Variants in PXDNL observed in about 807,000 individuals in gnomAD.
PXDNL encodes the protein peroxidasin like.
A neutral mutation model predicts 150.8 loss-of-function variants in PXDNL; 145 were observed. The ratio of observed to expected loss-of-function variants is 0.96; its 90% CI spans 0.84 to 1.10. PXDNL has a LOEUF of 1.10. Ranked by LOEUF, PXDNL falls within the 50% of genes least tolerant of loss-of-function variation. The probability of loss-of-function intolerance (pLI) is 0.00; values close to 1 mark genes in which losing one functional copy is unlikely to be tolerated. For missense variants in PXDNL, 2,087 were observed against 1,873.9 expected (o/e 1.11, Z -2.10); for synonymous variants, 757 against 725.7 (o/e 1.04, Z -0.69).
intron 1 of PXDNL, among the ~76,000 whole-genome samples, chr8:51,714,652 G>T (rs1165287423): frequency 6.6e-6 from 1 of 152,062 alleles, no homozygotes; most frequent in African/African-American, 2.4e-5. Flanking sequence ...TCAGAGGAGA[G>T]GATAACAGTC....
chr8:51,632,028 A>G (rs1397463579), intron 2 of PXDNL, among the ~76,000 whole-genome samples: 8 of 152,160 alleles, frequency 5.3e-5, no homozygotes, highest in African/African-American at 1.4e-4. Context: ...AAATAGATTG[A>G]GTTCTCCAAT....
At chr8:51,509,741 TACACACACAC>T (rs61492447) in intron 4 of PXDNL, among the ~76,000 whole-genome samples, 37 of 143,338 alleles carry the variant, frequency 2.6e-4, no homozygotes, top group African/African-American at 4.9e-4. Context: ...TATACATATA[TACACACACAC>T]ACACACACAC....
At chr8:51,642,018 A>G (rs1246876102) in intron 2 of PXDNL, among the ~76,000 whole-genome samples, 1 of 139,154 alleles carries the variant, frequency 7.2e-6, no homozygotes, top group Non-Finnish European at 1.5e-5. Context: ...ATGGAATACT[A>G]TACAGCCATA....
At chr8:51,374,279 T>C (rs1165358018) in intron 18 of PXDNL, among the ~76,000 whole-genome samples, 2 of 152,324 alleles carry the variant, frequency 1.3e-5, no homozygotes, top group South Asian at 4.1e-4. Context: ...GTGATACATG[T>C]CTAAAGTTAA....
chr8:51,771,293 C>G (rs1464400656), intron 1 of PXDNL, among the ~76,000 whole-genome samples: 1 of 152,066 alleles, frequency 6.6e-6, no homozygotes, highest in Non-Finnish European at 1.5e-5. Context: ...CTTCAGCAAA[C>G]AAAGATTACA....
At chr8:51,652,786 A>T (rs1815068937) in intron 2 of PXDNL, among the ~76,000 whole-genome samples, 1 of 152,258 alleles carries the variant, frequency 6.6e-6, no homozygotes, top group Non-Finnish European at 1.5e-5. Flanking sequence ...AATTAACAAC[A>T]TAATTACTAT....
Position 51,475,006 on chromosome 8 carries a change from TGCAC to T in PXDNL, c.656_659del (p.Arg219GlnfsTer5). ...ATTCCTCTACTGTTACTGAAGCAACTGCACGCCCATGGAGTCTCCTGGGATATTC... is the reference window on the plus strand; with the variant it reads ...ATTCCTCTACTGTTACTGAAGCAACTGCCCATGGAGTCTCCTGGGATATTC... On this transcript the variant is annotated frameshift_variant, in exon 7 of 23. Transcript: ENST00000356297. LOFTEE classifies it high-confidence loss of function. The T allele has an allele frequency of 6.2e-7, 1 of 1,608,108 alleles. No homozygotes were observed.
intron 12 of PXDNL, among the ~76,000 whole-genome samples, chr8:51,443,039 T>G (rs1327235297): frequency 6.6e-6 from 1 of 152,180 alleles, no homozygotes; most frequent in Non-Finnish European, 1.5e-5. Context: ...ATTAACAACC[T>G]CTACAGCCAT....
At chr8:51,384,998 A>G (rs560465557) in intron 17 of PXDNL, among the ~76,000 whole-genome samples, 2 of 152,322 alleles carry the variant, frequency 1.3e-5, no homozygotes, top group South Asian at 2.1e-4. Flanking sequence ...TAAGACAGAG[A>G]TAAGTCCAGG....
At chr8:51,639,514 A>C (rs1420597921) in intron 2 of PXDNL, among the ~76,000 whole-genome samples, 2 of 152,172 alleles carry the variant, frequency 1.3e-5, no homozygotes, top group East Asian at 3.8e-4. Context: ...AAAATGATAA[A>C]GGGGATATCA....
intron 1 of PXDNL, among the ~76,000 whole-genome samples, chr8:51,694,826 T>C (rs930692524): frequency 2.6e-5 from 4 of 152,230 alleles, no homozygotes; most frequent in African/African-American, 9.6e-5. Flanking sequence ...GTGTACTTTC[T>C]AGAATAAAAT....
intron 2 of PXDNL, among the ~76,000 whole-genome samples, chr8:51,611,424 A>G (rs1242633551): frequency 6.6e-6 from 1 of 152,152 alleles, no homozygotes; most frequent in Non-Finnish European, 1.5e-5. Flanking sequence ...TAGACCTTTT[A>G]AGGAGTCTTA....
At chr8:51,717,653 G>A (rs1816640977) in intron 1 of PXDNL, among the ~76,000 whole-genome samples, 1 of 152,238 alleles carries the variant, frequency 6.6e-6, no homozygotes, top group African/African-American at 2.4e-5. Flanking sequence ...GCTTGTGTGT[G>A]ACCAGAGACC....
chr8:51,716,357 T>C (rs545249726), intron 1 of PXDNL, among the ~76,000 whole-genome samples: 7 of 152,356 alleles, frequency 4.6e-5, no homozygotes, highest in Admixed American at 4.6e-4. Flanking sequence ...AATCATATAT[T>C]CAAATGCTGA....
intron 1 of PXDNL, among the ~76,000 whole-genome samples, chr8:51,763,108 A>G (rs11785467): frequency 0.18 from 26,679 of 152,078 alleles, 2,714 homozygotes; most frequent in Non-Finnish European, 0.22. Context: ...TATCCCTTAT[A>G]CCCAGCCCCA....
intron 19 of PXDNL, among the ~76,000 whole-genome samples, chr8:51,362,729 A>G (rs1221981755): frequency 6.6e-6 from 1 of 152,202 alleles, no homozygotes; most frequent in Non-Finnish European, 1.5e-5. Flanking sequence ...GCTTAGGGCA[A>G]TGAAGCATGT....
intron 8 of PXDNL, 79 bp from the exon 9 acceptor site, chr8:51,457,746 C>A: frequency 1.0e-6 from 1 of 969,942 alleles, no homozygotes; most frequent in South Asian, 2.1e-5. Context: ...GAATATAGTA[C>A]TATATAGCTA....
intron 17 of PXDNL, among the ~76,000 whole-genome samples, chr8:51,394,262 T>C (rs947120508): frequency 1.3e-5 from 2 of 152,212 alleles, no homozygotes; most frequent in Non-Finnish European, 2.9e-5. Flanking sequence ...CACTCCTTTT[T>C]GTGCAACAAA....
rs1440804227 is a variant in PXDNL at position 51,683,167 on chromosome 8, A to ATATATATATATG, written c.165-28408_165-28407insCATATATATATA. On this transcript the variant is annotated intron_variant, in intron 1 of 22. Transcript: ENST00000356297. The stretch of plus-strand genomic sequence containing the variant: ...CTTACTAACACCAATTGTCTTTCAT[A>ATATATATATATG]TATATATATATATATATATATATAT... 3.0e-4 allele frequency among the ~76,000 whole-genome samples: 20 copies of ATATATATATATG among 66,390 alleles called. 2 individuals are homozygous for ATATATATATATG. The highest frequency in any genetic ancestry group is 5.3e-4 in the Admixed American group (4 of 7,480). 43.6% of individuals were successfully genotyped at this position (66,390 alleles called of 152,430 possible). A position where few individuals can be genotyped will look rare whatever the true frequency, so the allele number is the denominator to read the frequency against.
Sources: allele counts gnomAD v4.1 joint callset (sites outside exome capture counted in the v4.1 genomes callset), GRCh38; gene constraint gnomAD v4.1.1; transcripts MANE v1.5; gene names NCBI Gene and HGNC (gene_info 2026-07-23, HGNC 2026-07-21).